The following SF3B2 variants were observed in gnomAD, a reference collection of about 807,000 sequenced individuals.
The protein encoded by SF3B2 is SAP 145.
In SF3B2, 22 loss-of-function variants were observed where a neutral mutation model predicts 116.3. The ratio of observed to expected loss-of-function variants is 0.19; its 90% CI spans 0.14 to 0.27. SF3B2 has a LOEUF of 0.27. Among genes scored for constraint, SF3B2 ranks in the 10% least tolerant of loss-of-function variants. SF3B2 has a pLI of 1.00. For synonymous variants in SF3B2, 406 were observed against 421.6 expected (o/e 0.96, Z 0.45); for missense variants, 767 against 1,151.4 (o/e 0.67, Z 4.83).
At position 66,059,409 on chromosome 11, in the gene SF3B2, A is replaced by C. The variant is rs1233551731; in HGVS notation, c.1320+71A>C. The C allele has an allele frequency of 2.7e-5, 44 of 1,609,594 alleles. No homozygotes were observed. The highest frequency in any genetic ancestry group is 3.6e-5 in the Non-Finnish European group (42 of 1,176,378). The stretch of plus-strand genomic sequence containing the variant: ...GTGGCTGAGATGCATCCAGAGAGGG[A>C]CCATGGTGAACTCTTACAGAGCTTT... On this transcript the variant is annotated intron_variant, in intron 11 of 21. Transcript: ENST00000322535. This position sits in a 1 kb window ranked among gnomAD's most constrained non-coding sequence, Gnocchi z 5.0.
chr11:66,058,554 G>A, intron 9 of SF3B2, 149 bp downstream of exon 9: 1 of 667,932 alleles, frequency 1.5e-6, no homozygotes, highest in Non-Finnish European at 2.5e-6. Flanking sequence ...TCATTTAATT[G>A]CTTTGAGTTC....
chr11:66,054,545 T>C (rs33988687), intron 3 of SF3B2, among the ~76,000 whole-genome samples: 30,487 of 151,472 alleles, frequency 0.2, 3,940 homozygotes, highest in Admixed American at 0.33. Context: ...CTGGAAGCAA[T>C]CACCCTTTTC....
In SF3B2 at chr11:66,058,036, A is replaced by C; in HGVS notation, c.778-18A>C. On this transcript the variant is annotated intron_variant, in intron 7 of 21. Coordinates refer to ENST00000322535, the MANE Select transcript of SF3B2 (RefSeq NM_006842.3). ...AGGGCACTGTGATTTGCCTTCTCTG[A>C]CTGGGTGTCTCTGGCAGATGGATGA... 1 of 1,576,540 alleles carries C rather than the reference A, an allele frequency of 6.3e-7. No homozygotes were observed. Among genetic ancestry groups the C allele is most frequent in the Non-Finnish European group, 8.6e-7 (1 of 1,158,772 alleles).
Position 66,060,650 on chromosome 11 carries a change from C to T in SF3B2, c.1698C>T (p.Ile566=), listed in dbSNP as rs762998339. ...GGCCTAAGATGGGCAAAATTGACAT[C>T]GACTACCAGAAACTGCATGATGCCT... is the stretch of plus-strand genomic sequence containing the variant. The part of the protein sequence containing the change: ...KVRPKMGKID[I]DYQKLHDAFF... The change falls in exon 14 of 22, where the codon ATC becomes ATT. Residue 566 remains isoleucine (I), a synonymous_variant. Coordinates refer to ENST00000322535, the MANE Select transcript of SF3B2 (RefSeq NM_006842.3). 40 of 1,614,038 alleles carry T rather than the reference C, an allele frequency of 2.5e-5. No homozygotes were observed. Among genetic ancestry groups the T allele is most frequent in the South Asian group, 7.7e-5 (7 of 91,084 alleles).
chr11:66,064,269 A>C (rs2135054872), intron 19 of SF3B2, among the ~76,000 whole-genome samples: 1 of 152,126 alleles, frequency 6.6e-6, no homozygotes, highest in South Asian at 2.1e-4. Flanking sequence ...TACTTGAACA[A>C]TTTTTATGAT....
chr11:66,068,357 GCTGGGTGAGAGCCAGGGACCCTGGC>G, intron 21 of SF3B2, 24 bp downstream of exon 21: 2 of 1,564,030 alleles, frequency 1.3e-6, no homozygotes, highest in Non-Finnish European at 1.7e-6. Context: ...GGGGCGCTGG[GCTGGGTGAGAGCCAGGGACCCTGGC>G]CTGCCGTTTT....
In SF3B2 at chr11:66,062,990, T is replaced by G; in HGVS notation, c.1978-19T>G. ...TTTTGCAGCTAAGGAGTGAACTGAT[T>G]GTGCTCACTGTCTTGCAGAGCTGTT... On this transcript the variant is annotated intron_variant, in intron 16 of 21. Coordinates refer to ENST00000322535, the MANE Select transcript of SF3B2 (RefSeq NM_006842.3). The G allele has an allele frequency of 1.9e-6, 3 of 1,576,806 alleles. No individual in the cohort carries two copies. Among genetic ancestry groups the G allele is most frequent in the Non-Finnish European group, 2.6e-6 (3 of 1,149,230 alleles).
intron 3 of SF3B2, chr11:66,053,440 A>T (rs932892406): frequency 6.4e-5 from 20 of 314,488 alleles, no homozygotes; most frequent in African/African-American, 3.6e-4. Flanking sequence ...CCACTTCGGG[A>T]TGCTTAGATG....
chr11:66,062,134 C>T (rs1857109787), intron 16 of SF3B2, 136 bp downstream of exon 16: 2 of 694,890 alleles, frequency 2.9e-6, no homozygotes, highest in Non-Finnish European at 2.4e-6. Flanking sequence ...TAATATTTGT[C>T]ATATACCATG....
At chr11:66,053,745 T>C (rs1415843962) in intron 3 of SF3B2, 1 of 154,764 alleles carries the variant, frequency 6.5e-6, no homozygotes, top group Non-Finnish European at 1.4e-5. Context: ...AAATAGCTAA[T>C]GCATGCCAGG....
Position 66,053,215 on chromosome 11 carries a change from T to C in SF3B2, c.258+111T>C. ...GTGTGAGATGTGACACCCTTGCACATTACTCGCCTGACCTGAGTGGGGAAA... is the reference window on the plus strand; with the variant it reads ...GTGTGAGATGTGACACCCTTGCACACTACTCGCCTGACCTGAGTGGGGAAA... On this transcript the variant is annotated intron_variant, in intron 3 of 21. Transcript: ENST00000322535. 5.9e-6 allele frequency: 6 copies of C among 1,014,918 alleles called. No individual in the cohort carries two copies. The South Asian group carries it at 7.6e-5, about 13-fold the overall frequency. The allele number at this position is 1,014,918 out of a possible 1,614,324, so 62.9% of individuals were successfully genotyped here. A position where few individuals can be genotyped will look rare whatever the true frequency, so the allele number is the denominator to read the frequency against.
Position 66,052,418 on chromosome 11 carries a change from G to C in SF3B2, c.34G>C (p.Glu12Gln), listed in dbSNP as rs770902372. The C allele has an allele frequency of 6.2e-7, 1 of 1,613,090 alleles. No individual in the cohort carries two copies. The highest frequency in any genetic ancestry group is 1.1e-5 in the South Asian group (1 of 91,050). ...ATEHPEPPKA[E>Q]LQLPPPPPPG... ...GGAGCATCCCGAGCCTCCCAAAGCA[G>C]AATTGCAGCTGCCGCCGCCGCCACC... Residue 12 changes from glutamate to glutamine, a missense_variant, in exon 1 of 22, where the codon GAA becomes CAA. By Grantham distance (29) the Glu-to-Gln change is conservative. This residue lies in a region of SF3B2 where 455 missense variants were observed against 537.5 expected (regional missense o/e 0.85). Coordinates refer to ENST00000322535, the MANE Select transcript of SF3B2 (RefSeq NM_006842.3).
At chr11:66,068,498 C>G (rs1857229440) in intron 21 of SF3B2, 165 bp downstream of exon 21, 2 of 892,490 alleles carry the variant, frequency 2.2e-6, no homozygotes, top group Admixed American at 2.8e-5. Context: ...GGGCTGCCCT[C>G]TTTAAGGACG....
At chr11:66,055,785 A>G (rs2135039410) in intron 5 of SF3B2, 200 bp downstream of exon 5, 1 of 532,936 alleles carries the variant, frequency 1.9e-6, no homozygotes, top group Non-Finnish European at 3.3e-6. Flanking sequence ...TGTATGGCCT[A>G]TGAGCTAAAA....
At chr11:66,056,379 A>C (rs1027864200) in intron 5 of SF3B2, among the ~76,000 whole-genome samples, 14 of 149,326 alleles carry the variant, frequency 9.4e-5, no homozygotes, top group South Asian at 6.5e-4. Flanking sequence ...CAGCCTAGGC[A>C]ACAGAGCCAG....
intron 21 of SF3B2, 119 bp downstream of exon 21, chr11:66,068,452 C>T: frequency 9.0e-7 from 1 of 1,108,604 alleles, no homozygotes; most frequent in Non-Finnish European, 1.3e-6. Flanking sequence ...CTGCTCTGTG[C>T]TTCCTTAGAT....
In SF3B2 at chr11:66,059,897, T is replaced by C. The variant is rs1857072406; in HGVS notation, c.1517T>C (p.Phe506Ser). ...GTGCCTGTGCCACGCCACTGGTGTT[T>C]TAAGCGCAAATACCTGCAGGGCAAA... Reference protein sequence around the residue: ...NSVPVPRHWCFKRKYLQGKRG... With the variant: ...NSVPVPRHWCSKRKYLQGKRG... The change falls in exon 13 of 22, where the codon TTT becomes TCT. Residue 506 changes from phenylalanine to serine, a missense_variant. Transcript: ENST00000322535. This position sits in a 1 kb window ranked among gnomAD's most constrained non-coding sequence, Gnocchi z 5.0. 2 of 1,614,072 alleles carry C rather than the reference T, an allele frequency of 1.2e-6. No homozygotes were observed. Among genetic ancestry groups the C allele is most frequent in the Admixed American group, 1.7e-5 (1 of 60,004 alleles).
intron 19 of SF3B2, 160 bp from the exon 20 acceptor site, chr11:66,067,786 A>G (rs111449431): frequency 9.4e-6 from 6 of 635,912 alleles, no homozygotes; most frequent in African/African-American, 9.1e-5. Flanking sequence ...CCCCCGCCCA[A>G]TTCTTTTCTG....
Position 66,059,271 on chromosome 11 carries a change from C to T in SF3B2, c.1253C>T (p.Ala418Val). 6.2e-7 allele frequency: 1 copy of T among 1,613,894 alleles called. No homozygotes were observed. The highest frequency in any genetic ancestry group is 8.5e-7 in the Non-Finnish European group (1 of 1,179,960). The change falls in exon 11 of 22, where the codon GCC (alanine) becomes GTC (valine). Residue 418 changes from alanine to valine, a missense_variant. Coordinates refer to ENST00000322535, the MANE Select transcript of SF3B2 (RefSeq NM_006842.3). This position sits in a 1 kb window ranked among gnomAD's most constrained non-coding sequence, Gnocchi z 5.0. ...EKLDKLENSAAPKKKGFEEEH... is the reference protein window; with the variant it reads ...EKLDKLENSAVPKKKGFEEEH... The stretch of plus-strand genomic sequence containing the variant: ...CTTGACAAACTGGAGAACTCTGCAG[C>T]CCCCAAGAAGAAGGGATTTGAAGAG...
Sources: gnomAD v4.1 joint callset for allele counts (sites outside exome capture counted in the v4.1 genomes callset) on GRCh38, gnomAD v4.1.1 for gene constraint, gnomAD v4.1.1 regional missense constraint, Gnocchi (gnomAD v3.1) non-coding constraint, MANE v1.5 for transcripts, NCBI Gene and HGNC (gene_info 2026-07-23, HGNC 2026-07-21) for gene names.